OXR1: variants seen among roughly 807,000 people sequenced by gnomAD.
The protein encoded by OXR1 is oxidation resistance protein 1.
A neutral mutation model predicts 104.6 loss-of-function variants in OXR1; 41 were observed. The observed-to-expected ratio is 0.39, with a 90% CI of 0.31 to 0.51. OXR1 has a LOEUF of 0.51. Ranked by LOEUF, OXR1 falls within the 20% of genes least tolerant of loss-of-function variation. The pLI, the probability that OXR1 is intolerant of heterozygous loss-of-function variation, is 0.77. For missense variants in OXR1, 955 were observed against 1,031.9 expected (o/e 0.93, Z 1.02); for synonymous variants, 348 against 348.4 (o/e 1.00, Z 0.01).
intron 1 of OXR1, among the ~76,000 whole-genome samples, chr8:106,293,668 C>T (rs1812849451): frequency 6.6e-6 from 1 of 152,164 alleles, no homozygotes; most frequent in Non-Finnish European, 1.5e-5. Flanking sequence ...ATCAAGGCTT[C>T]ATCTGGTGAG....
intron 3 of OXR1, among the ~76,000 whole-genome samples, chr8:106,599,986 C>A (rs1171511454): frequency 6.6e-6 from 1 of 152,102 alleles, no homozygotes; most frequent in Non-Finnish European, 1.5e-5. Flanking sequence ...CTAATGCTGC[C>A]GGTGATCTGA....
chr8:106,500,360 G>A (rs1009981532), intron 2 of OXR1, among the ~76,000 whole-genome samples: 2 of 152,202 alleles, frequency 1.3e-5, no homozygotes, highest in African/African-American at 4.8e-5. Context: ...CTTAGAAACC[G>A]ATGTTATTCA....
intron 3 of OXR1, among the ~76,000 whole-genome samples, chr8:106,519,443 T>A (rs1468540851): frequency 6.6e-6 from 1 of 152,186 alleles, no homozygotes; most frequent in Non-Finnish European, 1.5e-5. Flanking sequence ...GTTTTTCAAT[T>A]TTTAACTTTG....
At chr8:106,347,344 G>A (rs1386614469) in intron 1 of OXR1, among the ~76,000 whole-genome samples, 1 of 152,214 alleles carries the variant, frequency 6.6e-6, no homozygotes, top group Non-Finnish European at 1.5e-5. Context: ...AATACTGCCT[G>A]TGCCTGGGGG....
chr8:106,739,174 G>T (rs1338898865), intron 12 of OXR1, among the ~76,000 whole-genome samples: 2 of 151,182 alleles, frequency 1.3e-5, no homozygotes, highest in Non-Finnish European at 2.9e-5. Flanking sequence ...AAAGATGCAT[G>T]CAACTATCTT....
chr8:106,664,376 C>T (rs1826068423), intron 3 of OXR1, among the ~76,000 whole-genome samples: 1 of 152,168 alleles, frequency 6.6e-6, no homozygotes, highest in African/African-American at 2.4e-5. Context: ...GCATTTCTAA[C>T]AAGTTCTTAA....
At chr8:106,477,819 G>A (rs1170912502) in intron 2 of OXR1, among the ~76,000 whole-genome samples, 1 of 151,850 alleles carries the variant, frequency 6.6e-6, no homozygotes, top group Non-Finnish European at 1.5e-5. Flanking sequence ...TATTATTGGT[G>A]ATAGTATTGT....
At chr8:106,618,625 G>A (rs914865923) in intron 3 of OXR1, among the ~76,000 whole-genome samples, 2 of 152,102 alleles carry the variant, frequency 1.3e-5, no homozygotes, top group Non-Finnish European at 2.9e-5. Context: ...AGATTTCCAT[G>A]TTGCCTTACC....
At chr8:106,486,203 C>T (rs923474605) in intron 2 of OXR1, among the ~76,000 whole-genome samples, 2 of 152,160 alleles carry the variant, frequency 1.3e-5, no homozygotes, top group African/African-American at 2.4e-5. Flanking sequence ...TGTTTTAAAA[C>T]ATCATGTAGT....
intron 2 of OXR1, among the ~76,000 whole-genome samples, chr8:106,508,072 C>G (rs1012623039): frequency 6.6e-6 from 1 of 152,134 alleles, no homozygotes; most frequent in Non-Finnish European, 1.5e-5. Flanking sequence ...TCTCCAAGTG[C>G]CAGCTTGGGG....
In OXR1 at chr8:106,745,691, C is replaced by T. The variant is rs560967450; in HGVS notation, c.2413-98C>T. On this transcript the variant is annotated intron_variant, in intron 15 of 16. Transcript: ENST00000517566. ...TGTGGTGTTCTTATTCTTATACTGC[C>T]AGTCTTGGCTTTGTTAACTCGTTTG... 1.1e-5 allele frequency: 6 copies of T among 564,908 alleles called. No homozygotes were observed. In the South Asian group the frequency reaches 1.5e-4, roughly 14 times the overall value. The allele number at this position is 564,908 out of a possible 1,614,324, so 35.0% of individuals were successfully genotyped here. A position where few individuals can be genotyped will look rare whatever the true frequency, so the allele number is the denominator to read the frequency against.
At chr8:106,306,199 A>G (rs529826340) in intron 1 of OXR1, among the ~76,000 whole-genome samples, 1 of 152,256 alleles carries the variant, frequency 6.6e-6, no homozygotes, top group East Asian at 1.9e-4. Flanking sequence ...GGGCAATATT[A>G]GACATAAGTG....
chr8:106,674,976 G>A (rs1446016470), intron 3 of OXR1, among the ~76,000 whole-genome samples: 1 of 152,076 alleles, frequency 6.6e-6, no homozygotes, highest in African/African-American at 2.4e-5. Context: ...TGTGAGAACA[G>A]ACTAATACAT....
intron 3 of OXR1, among the ~76,000 whole-genome samples, chr8:106,576,211 T>C (rs555078089): frequency 6.6e-6 from 1 of 152,038 alleles, no homozygotes; most frequent in Non-Finnish European, 1.5e-5. Flanking sequence ...GCAGATAGAA[T>C]TTAATTACAA....
chr8:106,565,666 G>T (rs968571926), intron 3 of OXR1, among the ~76,000 whole-genome samples: 8 of 152,086 alleles, frequency 5.3e-5, no homozygotes, highest in Admixed American at 3.9e-4. Flanking sequence ...AGCCTGTATA[G>T]CCAAGACAAT....
At chr8:106,308,707 TA>T (rs773338058) in intron 1 of OXR1, among the ~76,000 whole-genome samples, 5 of 152,120 alleles carry the variant, frequency 3.3e-5, no homozygotes, top group Non-Finnish European at 7.4e-5. Context: ...GCTACTTATT[TA>T]AAAATGCTAG....
chr8:106,284,086 T>A (rs764569981), intron 1 of OXR1, among the ~76,000 whole-genome samples: 1 of 151,702 alleles, frequency 6.6e-6, no homozygotes, highest in Non-Finnish European at 1.5e-5. Context: ...TGGGATACAA[T>A]AAGGGGTAAA....
intron 2 of OXR1, among the ~76,000 whole-genome samples, chr8:106,470,611 T>C (rs992341090): frequency 6.6e-6 from 1 of 151,706 alleles, no homozygotes; most frequent in Non-Finnish European, 1.5e-5. Context: ...GGTCTGGAGA[T>C]AGAAGTTTGG....
intron 2 of OXR1, among the ~76,000 whole-genome samples, chr8:106,470,334 A>G (rs2130676458): frequency 6.6e-6 from 1 of 151,984 alleles, no homozygotes; most frequent in South Asian, 2.1e-4. Flanking sequence ...CCATTCTTCC[A>G]GTTATTTCCG....
Sources: allele counts gnomAD v4.1 joint callset (sites outside exome capture counted in the v4.1 genomes callset), GRCh38; gene constraint gnomAD v4.1.1; transcripts MANE v1.5; gene names NCBI Gene and HGNC (gene_info 2026-07-23, HGNC 2026-07-21).